PCDH7: variants seen among roughly 807,000 people sequenced by gnomAD.
PCDH7 encodes the protein protocadherin-7.
Under a neutral mutation model 58.9 loss-of-function variants are expected in PCDH7, and 17 were observed. The ratio of observed to expected loss-of-function variants is 0.29; its 90% confidence interval spans 0.20 to 0.43. The LOEUF (loss-of-function observed/expected upper bound fraction) is 0.43, where lower values mean the gene tolerates loss of function less well. Among genes scored for constraint, PCDH7 ranks in the 20% least tolerant of loss-of-function variants. The probability of loss-of-function intolerance (pLI) is 1.00; values close to 1 mark genes in which losing one functional copy is unlikely to be tolerated. For missense variants in PCDH7, 1,274 were observed against 1,441.0 expected, an observed-to-expected ratio of 0.88 and a Z score of 1.88; for synonymous variants, 664 against 616.4, an observed-to-expected ratio of 1.08 and a Z score of -1.14.
intron 3 of PCDH7, among the ~76,000 whole-genome samples, chr4:31,119,979 C>T (rs1242638112): frequency 6.6e-6 from 1 of 151,538 alleles, no homozygotes; most frequent in Non-Finnish European, 1.5e-5. Context: ...AGGTAAATGC[C>T]TTTTCCTGGT....
At chr4:31,128,312 T>A (rs1054416581) in intron 3 of PCDH7, among the ~76,000 whole-genome samples, 3 of 152,076 alleles carry the variant, frequency 2.0e-5, no homozygotes, top group Non-Finnish European at 2.9e-5. Flanking sequence ...CTGTCCATGA[T>A]TATACCCATT....
chr4:30,820,838 T>C (rs1728283646), intron 1 of PCDH7, among the ~76,000 whole-genome samples: 1 of 152,030 alleles, frequency 6.6e-6, no homozygotes. Context: ...ATGAAGAAAA[T>C]GCAATGTTCA....
At chr4:31,041,664 TATTTAC>T (rs952344280) in intron 3 of PCDH7, among the ~76,000 whole-genome samples, 2 of 152,218 alleles carry the variant, frequency 1.3e-5, no homozygotes, top group African/African-American at 4.8e-5. Context: ...CTTTGCTAGT[TATTTAC>T]ATTTTCATTA....
chr4:31,115,701 G>T (rs192880569), intron 3 of PCDH7, among the ~76,000 whole-genome samples: 1 of 152,072 alleles, frequency 6.6e-6, no homozygotes, highest in African/African-American at 2.4e-5. Flanking sequence ...CGTATTCTGT[G>T]CTTTCCCTCT....
At chr4:30,887,478 C>T (rs182264462) in intron 1 of PCDH7, among the ~76,000 whole-genome samples, 1 of 152,034 alleles carries the variant, frequency 6.6e-6, no homozygotes, top group Admixed American at 6.6e-5. Context: ...ATACAATGGA[C>T]CACATTATCA....
intron 3 of PCDH7, among the ~76,000 whole-genome samples, chr4:31,072,962 C>T (rs951695907): frequency 1.3e-5 from 2 of 152,078 alleles, no homozygotes; most frequent in African/African-American, 4.8e-5. Flanking sequence ...TTGGAGCTTT[C>T]ACAGAATATC....
At chr4:30,875,848 T>G (rs1472815392) in intron 1 of PCDH7, among the ~76,000 whole-genome samples, 1 of 152,142 alleles carries the variant, frequency 6.6e-6, no homozygotes, top group Non-Finnish European at 1.5e-5. Context: ...TAAGAAGTCC[T>G]GATGTTGGCT....
At chr4:30,743,290 T>C (rs995604472) in intron 1 of PCDH7, among the ~76,000 whole-genome samples, 3 of 152,160 alleles carry the variant, frequency 2.0e-5, no homozygotes, top group African/African-American at 4.8e-5. Context: ...TGAAGACATA[T>C]TATTTTATCA....
intron 3 of PCDH7, among the ~76,000 whole-genome samples, chr4:31,006,292 G>A (rs945372428): frequency 3.9e-5 from 6 of 151,984 alleles, no homozygotes; most frequent in African/African-American, 1.2e-4. Flanking sequence ...GAGATTTGAG[G>A]CCACTAAACA....
intron 3 of PCDH7, among the ~76,000 whole-genome samples, chr4:31,039,789 C>A (rs1755701733): frequency 6.6e-6 from 1 of 152,126 alleles, no homozygotes; most frequent in Non-Finnish European, 1.5e-5. Flanking sequence ...GAAAACTCAG[C>A]CAAATTTCCT....
At chr4:30,947,869 C>T (rs1746896793) in intron 2 of PCDH7, among the ~76,000 whole-genome samples, 1 of 152,092 alleles carries the variant, frequency 6.6e-6, no homozygotes, top group Non-Finnish European at 1.5e-5. Context: ...TCTGCCTACC[C>T]TTCCCAACCT....
chr4:30,933,862 T>C (rs1744985459), intron 2 of PCDH7, among the ~76,000 whole-genome samples: 1 of 152,236 alleles, frequency 6.6e-6, no homozygotes, highest in Admixed American at 6.5e-5. Flanking sequence ...TCTTTAATTA[T>C]ATGAATACTC....
chr4:30,758,943 T>G (rs1227904321), intron 1 of PCDH7, among the ~76,000 whole-genome samples: 2 of 147,932 alleles, frequency 1.4e-5, no homozygotes, highest in Admixed American at 1.3e-4. Flanking sequence ...AAGAAGTGTT[T>G]TTTTTTTTTT....
chr4:30,759,936 A>T (rs138251384), intron 1 of PCDH7, among the ~76,000 whole-genome samples: 2 of 152,034 alleles, frequency 1.3e-5, no homozygotes, highest in African/African-American at 4.8e-5. Flanking sequence ...CTACTCCCCA[A>T]TTCCCTCATA....
At chr4:31,068,932 A>G (rs1405712025) in intron 3 of PCDH7, among the ~76,000 whole-genome samples, 1 of 152,014 alleles carries the variant, frequency 6.6e-6, no homozygotes, top group Admixed American at 6.6e-5. Context: ...AATTCAGAGA[A>G]TAACATTTGT....
intron 2 of PCDH7, among the ~76,000 whole-genome samples, chr4:30,943,121 C>A (rs1479964693): frequency 6.6e-6 from 1 of 151,928 alleles, no homozygotes; most frequent in African/African-American, 2.4e-5. Context: ...TATCATATTT[C>A]TATTTTTAAA....
At chr4:31,044,131 G>A (rs988809360) in intron 3 of PCDH7, among the ~76,000 whole-genome samples, 4 of 152,040 alleles carry the variant, frequency 2.6e-5, no homozygotes, top group African/African-American at 4.8e-5. Flanking sequence ...AATAATAGTG[G>A]TGCCTACCAT....
intron 1 of PCDH7, among the ~76,000 whole-genome samples, chr4:30,880,287 A>G (rs1736801894): frequency 8.0e-6 from 1 of 124,656 alleles, no homozygotes; most frequent in South Asian, 2.9e-4. Flanking sequence ...CTACAAAAGA[A>G]AAAAAAAAAA....
chr4:31,049,974 C>T (rs1361573914), intron 3 of PCDH7, among the ~76,000 whole-genome samples: 1 of 152,048 alleles, frequency 6.6e-6, no homozygotes, highest in African/African-American at 2.4e-5. Flanking sequence ...AGTATATTTA[C>T]ACTAAAAATA....
Sources: allele counts gnomAD v4.1 joint callset (sites outside exome capture counted in the v4.1 genomes callset), GRCh38; gene constraint gnomAD v4.1.1; transcripts MANE v1.5; gene names NCBI Gene and HGNC (gene_info 2026-07-23, HGNC 2026-07-21).